Variants in AKR1A1 observed in about 807,000 individuals in gnomAD.
AKR1A1 encodes HEL-S-165mP.
Under a neutral mutation model 39.2 loss-of-function variants are expected in AKR1A1, and 26 were observed. The ratio of observed to expected loss-of-function variants is 0.66; its 90% CI spans 0.49 to 0.92. The LOEUF is 0.92. Among genes scored for constraint, AKR1A1 ranks in the 40% least tolerant of loss-of-function variants. The pLI is 0.00. For synonymous variants in AKR1A1, 141 were observed against 155.5 expected, an observed-to-expected ratio of 0.91 and a Z score of 0.69; for missense variants, 378 against 406.5, an observed-to-expected ratio of 0.93 and a Z score of 0.60.
intron 1 of AKR1A1, among the ~76,000 whole-genome samples, chr1:45,552,226 T>A (rs1275374643): frequency 6.6e-6 from 1 of 151,982 alleles, no homozygotes; most frequent in African/African-American, 2.4e-5. Context: ...CTTTTGCCCA[T>A]GCTGGAGTGT....
chr1:45,554,264 G>A (rs1241949974), intron 1 of AKR1A1, among the ~76,000 whole-genome samples: 1 of 151,412 alleles, frequency 6.6e-6, no homozygotes, highest in East Asian at 2.0e-4. Flanking sequence ...CTGTCTCTAC[G>A]AAAAACACAA....
intron 1 of AKR1A1, among the ~76,000 whole-genome samples, chr1:45,556,454 G>A (rs1644204097): frequency 3.3e-5 from 5 of 152,016 alleles, no homozygotes; most frequent in African/African-American, 4.8e-5. Flanking sequence ...GGTGGTGGGC[G>A]CCTGTAATCC....
chr1:45,568,948 G>C lies in AKR1A1; in HGVS notation c.774G>C (p.Val258=). Residue 258 remains valine (V), a synonymous_variant, in exon 7 of 9, where the codon GTG becomes GTC. Transcript: ENST00000351829. ...ILLRWQVQRK[V]ICIPKSITPS... is the part of the protein sequence containing the mutation. ...TTAGGTGGCAGGTCCAGCGGAAAGT[G>C]ATCTGCATCCCCAAAAGTATCACTC... 2 of 1,614,176 alleles carry C rather than the reference G, an allele frequency of 1.2e-6. No homozygotes were observed. Among genetic ancestry groups the C allele is most frequent in the African/African-American group, 2.7e-5 (2 of 75,036 alleles).
chr1:45,565,759 G>GCCA (rs901928899), intron 2 of AKR1A1, among the ~76,000 whole-genome samples: 2 of 151,256 alleles, frequency 1.3e-5, no homozygotes, highest in Admixed American at 6.6e-5. Flanking sequence ...ATAGGCGTGA[G>GCCA]CCACCACGCC....
Position 45,566,976 on chromosome 1 carries a change from G to A in AKR1A1, c.312G>A (p.Leu104=), listed in dbSNP as rs777376052. Residue 104 remains leucine (L), a synonymous_variant, in exon 4 of 9, where the codon CTG becomes CTA. Coordinates refer to ENST00000351829, the MANE Select transcript of AKR1A1 (RefSeq NM_153326.3). The part of the protein sequence containing the change: ...ALRKTLADLQ[L]EYLDLYLMHW... The stretch of plus-strand genomic sequence containing the variant: ...GGAAGACTCTGGCTGACCTCCAGCT[G>A]GAGTATCTGGACCTGTACCTGATGC... 1.2e-5 allele frequency: 20 copies of A among 1,614,250 alleles called. No homozygotes were observed. The highest frequency in any genetic ancestry group is 1.4e-5 in the Non-Finnish European group (17 of 1,180,048).
intron 1 of AKR1A1, among the ~76,000 whole-genome samples, chr1:45,559,916 G>A (rs550390621): frequency 1.3e-5 from 2 of 151,806 alleles, no homozygotes; most frequent in South Asian, 4.2e-4. Context: ...CAAAGTGCTG[G>A]GATTACAGGC....
intron 5 of AKR1A1, 92 bp downstream of exon 5, chr1:45,568,269 C>T: frequency 7.0e-7 from 1 of 1,429,948 alleles, no homozygotes; most frequent in Non-Finnish European, 9.5e-7. Flanking sequence ...AGATAGCTAG[C>T]AAGTTGTCAG....
chr1:45,567,776 G>C, intron 4 of AKR1A1: 1 of 458,694 alleles, frequency 2.2e-6, no homozygotes, highest in Non-Finnish European at 3.9e-6. Flanking sequence ...GCAGTGAGCT[G>C]AGATAGTGCC....
chr1:45,568,797 C>T, intron 6 of AKR1A1, 113 bp downstream of exon 6: 1 of 1,513,444 alleles, frequency 6.6e-7, no homozygotes, highest in Non-Finnish European at 9.1e-7. Flanking sequence ...TGGAGGGAGG[C>T]CACTGTAGGC....
At chr1:45,567,700 G>A (rs568468770) in intron 4 of AKR1A1, 13 of 242,088 alleles carry the variant, frequency 5.4e-5, no homozygotes, top group Admixed American at 9.9e-5. Context: ...GGTGGTGAGC[G>A]CCTGTAGTCC....
In AKR1A1 at chr1:45,566,649, G is replaced by T; in HGVS notation, c.165G>T (p.Glu55Asp). ...CTGCTATCTACGGCAATGAGCCTGAGATTGGGGAGGCCCTGAAGGAGGACG... is the reference window on the plus strand; with the variant it reads ...CTGCTATCTACGGCAATGAGCCTGATATTGGGGAGGCCCTGAAGGAGGACG... Reference protein sequence around the residue: ...DCAAIYGNEPEIGEALKEDVG... With the variant: ...DCAAIYGNEPDIGEALKEDVG... The change falls in exon 3 of 9, where the codon GAG (glutamate) becomes GAT (aspartate). Residue 55 changes from glutamate (E) to aspartate (D), a missense_variant. Coordinates refer to ENST00000351829, the MANE Select transcript of AKR1A1 (RefSeq NM_153326.3). 6.2e-7 allele frequency: 1 copy of T among 1,614,250 alleles called. No individual in the cohort carries two copies. The highest frequency in any genetic ancestry group is 8.5e-7 in the Non-Finnish European group (1 of 1,180,038).
chr1:45,561,420 G>T (rs890026409), intron 1 of AKR1A1, among the ~76,000 whole-genome samples: 1 of 151,866 alleles, frequency 6.6e-6, no homozygotes, highest in Middle Eastern at 3.4e-3. Context: ...CTTTGTAGTA[G>T]TGAGACAGAG....
At chr1:45,555,448 T>C (rs1644189585) in intron 1 of AKR1A1, among the ~76,000 whole-genome samples, 1 of 152,148 alleles carries the variant, frequency 6.6e-6, no homozygotes, top group African/African-American at 2.4e-5. Flanking sequence ...CATTGCGCCG[T>C]TGCATTCCAG....
chr1:45,565,013 G>A (rs1386027984), intron 2 of AKR1A1, among the ~76,000 whole-genome samples: 4 of 150,996 alleles, frequency 2.6e-5, no homozygotes, highest in South Asian at 2.1e-4. Flanking sequence ...TAGTAGAGAC[G>A]GTGTTTCACC....
intron 1 of AKR1A1, among the ~76,000 whole-genome samples, chr1:45,551,375 A>C (rs1644129080): frequency 6.6e-6 from 1 of 152,260 alleles, no homozygotes; most frequent in Non-Finnish European, 1.5e-5. Flanking sequence ...GAGGTCCTAC[A>C]TTAGAACTGT....
intron 1 of AKR1A1, among the ~76,000 whole-genome samples, chr1:45,555,647 T>G (rs1644192213): frequency 6.6e-6 from 1 of 152,198 alleles, no homozygotes; most frequent in African/African-American, 2.4e-5. Flanking sequence ...CATCCCAGGA[T>G]TTTGGTATCT....
chr1:45,567,322 T>C, intron 4 of AKR1A1: 1 of 319,804 alleles, frequency 3.1e-6, no homozygotes, highest in East Asian at 6.0e-5. Context: ...GCACCTGGGG[T>C]TACAGTAATA....
At chr1:45,562,023 C>G in intron 2 of AKR1A1, 145 bp downstream of exon 2, 1 of 770,352 alleles carries the variant, frequency 1.3e-6, no homozygotes, top group Non-Finnish European at 2.1e-6. Flanking sequence ...CTGGGCTTCC[C>G]CAGCTGACTC....
intron 1 of AKR1A1, among the ~76,000 whole-genome samples, chr1:45,558,618 T>C (rs1644238869): frequency 6.6e-6 from 1 of 152,036 alleles, no homozygotes; most frequent in Non-Finnish European, 1.5e-5. Flanking sequence ...CAGGCTGGTC[T>C]CGAACTCCTG....
Sources: allele counts gnomAD v4.1 joint callset (sites outside exome capture counted in the v4.1 genomes callset), GRCh38; gene constraint gnomAD v4.1.1; transcripts MANE v1.5; gene names NCBI Gene and HGNC (gene_info 2026-07-23, HGNC 2026-07-21).